The following MB21D2 variants were observed in gnomAD, a reference collection of about 807,000 sequenced individuals.
MB21D2 encodes nucleotidyltransferase MB21D2.
MB21D2 carries 9 observed loss-of-function variants against 33.3 expected under a neutral mutation model. The observed-to-expected ratio is 0.27, with a 90% confidence interval of 0.16 to 0.47. The LOEUF (loss-of-function observed/expected upper bound fraction) is 0.47. Ranked by LOEUF, MB21D2 falls within the 20% of genes least tolerant of loss-of-function variation. The pLI is 0.99. For synonymous variants in MB21D2, 241 were observed against 236.3 expected, an observed-to-expected ratio of 1.02 and a Z score of -0.18; for missense variants, 540 against 624.6, an observed-to-expected ratio of 0.86 and a Z score of 1.44.
intron 1 of MB21D2, among the ~76,000 whole-genome samples, chr3:192,916,742 C>G (rs1714474846): frequency 6.6e-6 from 1 of 152,176 alleles, no homozygotes; most frequent in African/African-American, 2.4e-5. Context: ...TTCCTTTACA[C>G]AGCATTCAAT....
chr3:192,917,402 A>G (rs1013044221), intron 1 of MB21D2, among the ~76,000 whole-genome samples: 17 of 152,158 alleles, frequency 1.1e-4, no homozygotes, highest in African/African-American at 3.9e-4. Context: ...GCAAGCGAAC[A>G]GGGGGAAAGG....
intron 1 of MB21D2, among the ~76,000 whole-genome samples, chr3:192,905,510 G>A (rs145645360): frequency 0.026 from 3,955 of 151,728 alleles, 59 homozygotes; most frequent in Middle Eastern, 0.068. Flanking sequence ...GGTGTCAGGC[G>A]CCTGTAATCA....
intron 1 of MB21D2, among the ~76,000 whole-genome samples, chr3:192,834,221 G>T (rs1189525456): frequency 6.6e-6 from 1 of 151,868 alleles, no homozygotes; most frequent in African/African-American, 2.4e-5. Context: ...GGAGGCTGAT[G>T]TAGGAGAATC....
intron 1 of MB21D2, among the ~76,000 whole-genome samples, chr3:192,913,011 T>C (rs970178658): frequency 1.3e-5 from 2 of 152,250 alleles, no homozygotes; most frequent in African/African-American, 2.4e-5. Context: ...GCTAGCACAA[T>C]GGTCAGCACA....
intron 1 of MB21D2, among the ~76,000 whole-genome samples, chr3:192,883,161 C>A (rs1208263492): frequency 1.3e-5 from 2 of 152,096 alleles, no homozygotes; most frequent in Non-Finnish European, 2.9e-5. Flanking sequence ...AGCCACCGTG[C>A]CCAGCCTGAC....
At chr3:192,847,649 C>T (rs1249628159) in intron 1 of MB21D2, among the ~76,000 whole-genome samples, 1 of 152,168 alleles carries the variant, frequency 6.6e-6, no homozygotes, top group Non-Finnish European at 1.5e-5. Context: ...CAACAATTCC[C>T]AATTCAACAC....
At chr3:192,908,766 G>A (rs1489689832) in intron 1 of MB21D2, among the ~76,000 whole-genome samples, 1 of 151,860 alleles carries the variant, frequency 6.6e-6, no homozygotes, top group East Asian at 1.9e-4. Flanking sequence ...TGAGTCAAGT[G>A]GCATTTGAGC....
chr3:192,871,967 A>C (rs1223539352), intron 1 of MB21D2, among the ~76,000 whole-genome samples: 1 of 152,206 alleles, frequency 6.6e-6, no homozygotes, highest in Non-Finnish European at 1.5e-5. Flanking sequence ...CCACCGGTGC[A>C]GTAGATGGAG....
intron 1 of MB21D2, among the ~76,000 whole-genome samples, chr3:192,838,492 G>C (rs562590895): frequency 6.7e-6 from 1 of 148,834 alleles, no homozygotes; most frequent in Non-Finnish European, 1.5e-5. Flanking sequence ...GCAGTGGCGC[G>C]ATCTCGGCTC....
intron 1 of MB21D2, among the ~76,000 whole-genome samples, chr3:192,815,000 GA>G (rs1310420994): frequency 6.6e-6 from 1 of 151,990 alleles, no homozygotes; most frequent in African/African-American, 2.4e-5. Flanking sequence ...GTCAGTGGAT[GA>G]ACAGTGTGGC....
At chr3:192,808,113 T>C (rs1004936802) in intron 1 of MB21D2, among the ~76,000 whole-genome samples, 1 of 152,190 alleles carries the variant, frequency 6.6e-6, no homozygotes, top group African/African-American at 2.4e-5. Flanking sequence ...TGCTCTGGCA[T>C]GCAAATGACA....
chr3:192,884,444 G>A (rs559653460), intron 1 of MB21D2, among the ~76,000 whole-genome samples: 23 of 151,838 alleles, frequency 1.5e-4, no homozygotes, highest in African/African-American at 5.1e-4. Flanking sequence ...TAGGCTCACT[G>A]CAAGCTCCGC....
chr3:192,841,366 G>T (rs1244020867), intron 1 of MB21D2, among the ~76,000 whole-genome samples: 1 of 152,260 alleles, frequency 6.6e-6, no homozygotes, highest in Non-Finnish European at 1.5e-5. Flanking sequence ...AGCAGTCAGT[G>T]TAACAAATAA....
In MB21D2 at chr3:192,801,712, C is replaced by T. The variant is rs144553005; in HGVS notation, c.212-2062G>A. 6.7e-3 allele frequency among the ~76,000 whole-genome samples: 1,021 copies of T among 152,336 alleles called. 17 individuals carry two copies. The highest frequency in any genetic ancestry group is 0.023 in the African/African-American group (958 of 41,566). ...GGCACCTTGATCTTGGCTTTCTTGA[C>T]ATCCAGAATGGTGAGAAATAAATCC... On this transcript the variant is annotated intron_variant, in intron 1 of 1. Coordinates refer to ENST00000392452, the MANE Select transcript of MB21D2 (RefSeq NM_178496.4).
At chr3:192,812,517 G>A (rs1366387981) in intron 1 of MB21D2, among the ~76,000 whole-genome samples, 2 of 152,118 alleles carry the variant, frequency 1.3e-5, no homozygotes, top group Non-Finnish European at 2.9e-5. Flanking sequence ...CTATCTTTAT[G>A]GTGGATGAAA....
chr3:192,895,549 G>A (rs1713947964), intron 1 of MB21D2, among the ~76,000 whole-genome samples: 2 of 152,226 alleles, frequency 1.3e-5, no homozygotes, highest in African/African-American at 2.4e-5. Flanking sequence ...GGTTTACAGA[G>A]TGGCTGGAAT....
Position 192,799,706 on chromosome 3 carries a change from C to A in MB21D2, c.212-56G>T. The A allele has an allele frequency of 6.6e-7, 1 of 1,521,352 alleles. No homozygotes were observed. The highest frequency in any genetic ancestry group is 1.3e-5 in the South Asian group (1 of 77,766). The allele number at this position is 1,521,352 out of a possible 1,614,324, so 94.2% of individuals were successfully genotyped here. A position where few individuals can be genotyped will look rare whatever the true frequency, so the allele number is the denominator to read the frequency against. On this transcript the variant is annotated intron_variant, in intron 1 of 1. Coordinates refer to ENST00000392452, the MANE Select transcript of MB21D2 (RefSeq NM_178496.4). This position sits in a 1 kb window ranked among gnomAD's most constrained non-coding sequence, Gnocchi z 4.1. ...TTACAGGAAACACAGACATAAGAGT[C>A]TTATGCATGAAACAGAATGCTCTGA...
intron 1 of MB21D2, among the ~76,000 whole-genome samples, chr3:192,898,267 G>A (rs534443053): frequency 6.7e-6 from 1 of 149,754 alleles, no homozygotes; most frequent in African/African-American, 2.5e-5. Context: ...TATTGCCCAG[G>A]CTGGTCTTAA....
At chr3:192,829,873 T>G (rs147649836) in intron 1 of MB21D2, among the ~76,000 whole-genome samples, 35 of 152,262 alleles carry the variant, frequency 2.3e-4, no homozygotes, top group African/African-American at 8.2e-4. Flanking sequence ...ACCACAGGCA[T>G]GCACCACCAT....
Sources: gnomAD v4.1 joint callset for allele counts (sites outside exome capture counted in the v4.1 genomes callset) on GRCh38, gnomAD v4.1.1 for gene constraint, Gnocchi (gnomAD v3.1) non-coding constraint, MANE v1.5 for transcripts, NCBI Gene and HGNC (gene_info 2026-07-23, HGNC 2026-07-21) for gene names.